Variants in TENM3 observed in about 807,000 individuals in gnomAD.
TENM3 encodes the protein teneurin-3.
Under a neutral mutation model 255.1 loss-of-function variants are expected in TENM3, and 63 were observed. The ratio of observed to expected loss-of-function variants is 0.25; its 90% CI spans 0.20 to 0.30. The LOEUF is 0.30. Among genes scored for constraint, TENM3 ranks in the 10% least tolerant of loss-of-function variants. The pLI, the probability that TENM3 is intolerant of heterozygous loss-of-function variation, is 1.00. For missense variants in TENM3, 2,929 were observed against 3,461.1 expected (o/e 0.85, Z 3.86); for synonymous variants, 1,306 against 1,322.3 (o/e 0.99, Z 0.27).
At chr4:182,606,379 C>T (rs1212317916) in intron 4 of TENM3, among the ~76,000 whole-genome samples, 1 of 151,884 alleles carries the variant, frequency 6.6e-6, no homozygotes, top group Admixed American at 6.6e-5. Flanking sequence ...CAAAAATTAG[C>T]CAGGCGGGGT....
At chr4:182,023,287 A>G in the TENM3 span, among the ~76,000 whole-genome samples, 14 of 152,210 alleles carry the variant, frequency 9.2e-5, no homozygotes, top group African/African-American at 3.4e-4. Flanking sequence ...CAGCTTTGAT[A>G]TAAGACACTT....
the TENM3 span, among the ~76,000 whole-genome samples, chr4:181,811,178 C>A: frequency 1.3e-5 from 2 of 152,142 alleles, no homozygotes; most frequent in African/African-American, 4.8e-5. Context: ...GAGGCAGCAG[C>A]CTTGAAAATT....
intron 22 of TENM3, among the ~76,000 whole-genome samples, chr4:182,772,114 C>T (rs1422223914): frequency 5.3e-5 from 8 of 152,130 alleles, no homozygotes; most frequent in South Asian, 2.1e-4. Flanking sequence ...ATTGTCCTGG[C>T]GGAGTCTTCT....
At chr4:181,663,197 T>A in the TENM3 span, among the ~76,000 whole-genome samples, 3 of 152,306 alleles carry the variant, frequency 2.0e-5, no homozygotes, top group East Asian at 3.9e-4. Flanking sequence ...TTCTGTGGTT[T>A]TGAGGCAATA....
chr4:181,448,504 A>C, the TENM3 span, among the ~76,000 whole-genome samples: 1 of 152,196 alleles, frequency 6.6e-6, no homozygotes, highest in Non-Finnish European at 1.5e-5. Context: ...AATTTTATAC[A>C]GAAGAGGTAG....
At chr4:181,624,619 A>G in the TENM3 span, among the ~76,000 whole-genome samples, 1 of 152,236 alleles carries the variant, frequency 6.6e-6, no homozygotes, top group Admixed American at 6.5e-5. Context: ...TATAAAATTA[A>G]GAGGAATAAA....
chr4:182,728,088 A>G (rs1317901820), intron 13 of TENM3, among the ~76,000 whole-genome samples: 2 of 152,054 alleles, frequency 1.3e-5, no homozygotes, highest in African/African-American at 4.8e-5. Context: ...ACCTCAGGTG[A>G]TATGCCCACC....
chr4:182,430,975 G>A (rs1439734172), intron 3 of TENM3, among the ~76,000 whole-genome samples: 1 of 151,928 alleles, frequency 6.6e-6, no homozygotes, highest in Non-Finnish European at 1.5e-5. Flanking sequence ...TTGTGCCATT[G>A]CACTCCAGCC....
chr4:182,172,582 T>C (rs1752181116), intron 1 of TENM3, among the ~76,000 whole-genome samples: 1 of 152,164 alleles, frequency 6.6e-6, no homozygotes, highest in Non-Finnish European at 1.5e-5. Context: ...AATAACCCTA[T>C]ACTCAAAATG....
intron 1 of TENM3, among the ~76,000 whole-genome samples, chr4:182,196,635 C>T (rs1482913577): frequency 6.6e-6 from 1 of 152,142 alleles, no homozygotes; most frequent in Non-Finnish European, 1.5e-5. Flanking sequence ...GTAACTAGGG[C>T]TGATTGTGGA....
At chr4:181,863,897 A>T in the TENM3 span, among the ~76,000 whole-genome samples, 11 of 152,336 alleles carry the variant, frequency 7.2e-5, no homozygotes, top group East Asian at 1.5e-3. Context: ...ACAGCCCATG[A>T]TGAGCAAATA....
chr4:181,997,287 G>T, the TENM3 span, among the ~76,000 whole-genome samples: 1 of 152,094 alleles, frequency 6.6e-6, no homozygotes, highest in African/African-American at 2.4e-5. Flanking sequence ...TTGTAATTCG[G>T]TCCTCAGTAC....
intron 1 of TENM3, among the ~76,000 whole-genome samples, chr4:182,175,306 A>ATATATATATATATATAT (rs1326077334): frequency 7.5e-5 from 6 of 80,488 alleles, no homozygotes; most frequent in African/African-American, 2.2e-4. Flanking sequence ...CTTCATTAAA[A>ATATATATATATATATAT]AAAAAAAAAT....
the TENM3 span, among the ~76,000 whole-genome samples, chr4:181,774,929 A>G: frequency 7.5e-6 from 1 of 133,726 alleles, no homozygotes; most frequent in East Asian, 2.0e-4. Context: ...CCTTTGTCAG[A>G]TGAGTAGGTT....
intron 24 of TENM3, among the ~76,000 whole-genome samples, chr4:182,780,163 T>G (rs1016008553): frequency 5.9e-5 from 9 of 152,154 alleles, no homozygotes; most frequent in African/African-American, 2.2e-4. Flanking sequence ...TGCCTAGGTT[T>G]TCTTCTAGGG....
At chr4:181,906,362 G>T in the TENM3 span, 1 of 207,802 alleles carries the variant, frequency 4.8e-6, no homozygotes, top group East Asian at 1.1e-4. Context: ...TCCTGTACGA[G>T]AGAACTCTCC....
chr4:181,953,279 T>C, the TENM3 span, among the ~76,000 whole-genome samples: 6 of 151,020 alleles, frequency 4.0e-5, no homozygotes, highest in South Asian at 2.1e-4. Context: ...ACCACCACCA[T>C]CATCATCATC....
At chr4:182,666,713 A>G (rs1007298694) in intron 6 of TENM3, among the ~76,000 whole-genome samples, 2 of 151,984 alleles carry the variant, frequency 1.3e-5, no homozygotes, top group African/African-American at 4.8e-5. Context: ...CCTAGACGAC[A>G]TGTTGAAACC....
the TENM3 span, among the ~76,000 whole-genome samples, chr4:181,911,699 C>T: frequency 6.6e-6 from 1 of 152,094 alleles, no homozygotes; most frequent in Non-Finnish European, 1.5e-5. Flanking sequence ...CCACATGACA[C>T]ATATTTGCTG....
Sources: gnomAD v4.1 joint callset for allele counts (sites outside exome capture counted in the v4.1 genomes callset) on GRCh38, gnomAD v4.1.1 for gene constraint, MANE v1.5 for transcripts, NCBI Gene and HGNC (gene_info 2026-07-23, HGNC 2026-07-21) for gene names.